The following FUT1 variants were observed in gnomAD, a reference collection of about 807,000 sequenced individuals.
FUT1 encodes the protein galactoside alpha-(1,2)-fucosyltransferase 1.
For missense variants in FUT1, 476 were observed against 492.7 expected (o/e 0.97, Z 0.32); for synonymous variants, 215 against 208.7 (o/e 1.03, Z -0.26).
upstream of FUT1, among the ~76,000 whole-genome samples, chr19:48,754,556 C>T (rs1029799234): frequency 6.6e-6 from 1 of 152,180 alleles, no homozygotes; most frequent in Non-Finnish European, 1.5e-5. Context: ...CCTTCAGTAC[C>T]TGACCCTATA....
upstream of FUT1, among the ~76,000 whole-genome samples, chr19:48,754,055 G>A (rs1411644632): frequency 3.3e-5 from 5 of 152,016 alleles, no homozygotes; most frequent in East Asian, 9.7e-4. Context: ...GCGTGGTGGA[G>A]GGCGCCTGTA....
chr19:48,750,657 C>A lies in FUT1; in HGVS notation c.625G>T (p.Asp209Tyr). ...ACGCCGACAAAGGTGCGCGGGCGGT[C>A]CCCTGTGCGGCCCAGGCGGAGCTGA... Reference protein sequence around the residue: ...LGQLRLGRTGDRPRTFVGVHV... With the variant: ...LGQLRLGRTGYRPRTFVGVHV... The change falls in exon 2 of 2, where the codon GAC becomes TAC. Residue 209 changes from aspartate to tyrosine, a missense_variant. Transcript: ENST00000645652. 6.2e-7 allele frequency: 1 copy of A among 1,612,784 alleles called. No individual in the cohort carries two copies. The highest frequency in any genetic ancestry group is 1.1e-5 in the South Asian group (1 of 91,092).
Position 48,750,074 on chromosome 19 carries a change from C to G in FUT1, c.*110G>C. On this transcript the variant is annotated 3_prime_UTR_variant, in exon 2 of 2. Coordinates refer to ENST00000645652, the MANE Select transcript of FUT1 (RefSeq NM_001384359.1). ...ACTAGAATCACTCTGGATACGGGCA[C>G]CCATTTGCTTCAGGAACACCACAAG... 1.5e-6 allele frequency: 2 copies of G among 1,293,052 alleles called. No homozygotes were observed. Among genetic ancestry groups the G allele is most frequent in the Non-Finnish European group, 2.2e-6 (2 of 925,680 alleles). 80.1% of individuals were successfully genotyped at this position (1,293,052 alleles called of 1,614,324 possible). A position where few individuals can be genotyped will look rare whatever the true frequency, so the allele number is the denominator to read the frequency against.
In FUT1 at chr19:48,750,867, T is replaced by C. The variant is rs1364577499; in HGVS notation, c.415A>G (p.Thr139Ala). ...TGAAGCTGCAGCTCCCGCCACGGCG[T>C]GCGGCTGTCCACTTCTGGGGCCAGC... Reference protein sequence around the residue: ...PVLAPEVDSRTPWRELQLHDW... With the variant: ...PVLAPEVDSRAPWRELQLHDW... The change falls in exon 2 of 2, where the codon ACG becomes GCG. Residue 139 changes from threonine to alanine, a missense_variant. Physicochemically the swap from Thr to Ala is moderately conservative, Grantham distance 58 (BLOSUM62 0). Transcript: ENST00000645652. 2 of 1,613,706 alleles carry C rather than the reference T, an allele frequency of 1.2e-6. No homozygotes were observed. The highest frequency in any genetic ancestry group is 8.5e-7 in the Non-Finnish European group (1 of 1,179,972).
rs762260495 is a variant in FUT1 at position 48,750,236 on chromosome 19, C to T, written c.1046G>A (p.Trp349Ter). ...FKPEAAFLPEWVGINADLSPL... is the reference protein window; with the variant it reads ...FKPEAAFLPE ...AGACAAGTCTGCATTAATGCCCACC[C>T]ACTCGGGCAGGAAGGCCGCCTCCGG... Residue 349 changes from tryptophan (W) to a stop codon, truncating the protein, a stop_gained, in exon 2 of 2, where the codon TGG becomes TAG. Coordinates refer to ENST00000645652, the MANE Select transcript of FUT1 (RefSeq NM_001384359.1). LOFTEE classifies it low-confidence loss of function (END_TRUNC). The T allele has an allele frequency of 2.5e-6, 4 of 1,613,032 alleles. No homozygotes were observed. The African/African-American group carries it at 4.0e-5, about 16-fold the overall frequency.
In FUT1 at chr19:48,750,733, T is replaced by C. The variant is rs780535906; in HGVS notation, c.549A>G (p.Arg183=). The stretch of plus-strand genomic sequence containing the variant: ...GAAGGTGGTCGTGCAGGGTGAACTC[T>C]CTGCGGATCTGTTCCCGGAGATGGT... ...FFHHLREQIR[R]EFTLHDHLRE... Residue 183 remains arginine (R), a synonymous_variant, in exon 2 of 2, where the codon AGA becomes AGG. Coordinates refer to ENST00000645652, the MANE Select transcript of FUT1 (RefSeq NM_001384359.1). 1.5e-5 allele frequency: 24 copies of C among 1,613,720 alleles called. No individual in the cohort carries two copies. The highest frequency in any genetic ancestry group is 2.0e-5 in the Non-Finnish European group (24 of 1,179,984).
At chr19:48,751,414 T>C in intron 1 of FUT1, 131 bp from the exon 2 acceptor site, 1 of 973,118 alleles carries the variant, frequency 1.0e-6, no homozygotes, top group South Asian at 1.4e-5. Context: ...AGTTAAAGGT[T>C]TAGACTCCTG....
upstream of FUT1, chr19:48,755,162 C>T (rs1351938150): frequency 6.4e-6 from 1 of 156,716 alleles, no homozygotes; most frequent in African/African-American, 2.4e-5. Context: ...CCCCTCCTCC[C>T]TCAGATCCAG....
chr19:48,753,995 T>C (rs1439856084), upstream of FUT1, among the ~76,000 whole-genome samples: 1 of 152,050 alleles, frequency 6.6e-6, no homozygotes, highest in Non-Finnish European at 1.5e-5. Context: ...CCATCCTGGC[T>C]AACACGGTGA....
Position 48,749,949 on chromosome 19 carries a change from G to T in FUT1, c.*235C>A. The T allele has an allele frequency of 1.7e-6, 1 of 576,748 alleles. No homozygotes were observed. Among genetic ancestry groups the T allele is most frequent in the South Asian group, 2.0e-5 (1 of 50,156 alleles). The allele number at this position is 576,748 out of a possible 1,614,324, so 35.7% of individuals were successfully genotyped here. A position where few individuals can be genotyped will look rare whatever the true frequency, so the allele number is the denominator to read the frequency against. On this transcript the variant is annotated 3_prime_UTR_variant, in exon 2 of 2. Coordinates refer to ENST00000645652, the MANE Select transcript of FUT1 (RefSeq NM_001384359.1). ...CTGGGAAGAGCAGGTGGGCACTGTG[G>T]CTTCTAGAACTGCCTGCCAGCCATC...
At position 48,752,101 on chromosome 19, in the gene FUT1, C is replaced by A. The variant is rs2034012579; in HGVS notation, c.-3+389G>T. On this transcript the variant is annotated intron_variant, in intron 1 of 1. Transcript: ENST00000645652. The surrounding 1 kb of genome is among the most constrained non-coding windows in gnomAD (Gnocchi z 4.3). ...CTCCAGCTTGCGCGACAGAGAGGGA[C>A]CCTGTCTTAAAAAAAAAAAAAAAAA... Among the ~76,000 whole-genome samples, 2 of 135,280 alleles carry A rather than the reference C, an allele frequency of 1.5e-5. No individual in the cohort carries two copies. The highest frequency in any genetic ancestry group is 1.5e-4 in the Admixed American group (2 of 12,908). The allele number at this position is 135,280 out of a possible 152,430, so 88.7% of individuals were successfully genotyped here. A position where few individuals can be genotyped will look rare whatever the true frequency, so the allele number is the denominator to read the frequency against.
In FUT1 at chr19:48,748,844, T is replaced by C. The variant is rs779968187; in HGVS notation, c.*1340A>G. The C allele has an allele frequency of 6.6e-6, 1 of 152,206 alleles. No homozygotes were observed. The highest frequency in any genetic ancestry group is 1.5e-5 in the Non-Finnish European group (1 of 68,034). 9.4% of individuals were successfully genotyped at this position (152,206 alleles called of 1,614,324 possible). The stretch of plus-strand genomic sequence containing the variant: ...ACATTCATTAGATGCTACAATTAGG[T>C]TGCACATTCATTAGATTCTTCACTT... On this transcript the variant is annotated 3_prime_UTR_variant, in exon 2 of 2. Transcript: ENST00000645652.
At chr19:48,755,112 G>A (rs1306837501), upstream of FUT1, among the ~76,000 whole-genome samples, 2 of 88,906 alleles carry the variant, frequency 2.2e-5, no homozygotes, top group Admixed American at 2.6e-4. Context: ...CCAGACCAAA[G>A]CTCCCTCCTC....
Position 48,752,373 on chromosome 19 carries a change from G to T in FUT1, c.-3+117C>A. The T allele has an allele frequency of 1.9e-6, 1 of 521,360 alleles. No individual in the cohort carries two copies. The highest frequency in any genetic ancestry group is 2.5e-6 in the Non-Finnish European group (1 of 405,516). The allele number at this position is 521,360 out of a possible 1,614,324, so 32.3% of individuals were successfully genotyped here. On this transcript the variant is annotated intron_variant, in intron 1 of 1. Coordinates refer to ENST00000645652, the MANE Select transcript of FUT1 (RefSeq NM_001384359.1). The surrounding 1 kb of genome is among the most constrained non-coding windows in gnomAD (Gnocchi z 4.3). ...TGGAGGAGTAATGGCTGGGGAGGTG[G>T]CGGAGATTCCTAGGGCCTTAGGAAG...
chr19:48,751,891 C>T (rs1472045103), intron 1 of FUT1, among the ~76,000 whole-genome samples: 5 of 151,398 alleles, frequency 3.3e-5, no homozygotes, highest in East Asian at 1.9e-4. Context: ...GCGGGAGTTG[C>T]GGTGAGCTGA....
At position 48,751,145 on chromosome 19, in the gene FUT1, C is replaced by A. The variant is rs1568490908; in HGVS notation, c.137G>T (p.Arg46Leu). ...LGLSILCPDR[R>L]LVTPPVAIFC... ...GATGGCCACTGGGGGTGTCACCAGG[C>A]GGCGGTCTGGACACAGGATCGACAG... Residue 46 changes from arginine (R) to leucine (L), a missense_variant, in exon 2 of 2, where the codon CGC becomes CTC. Arg to Leu is a moderately radical substitution (Grantham distance 102). Coordinates refer to ENST00000645652, the MANE Select transcript of FUT1 (RefSeq NM_001384359.1). The A allele has an allele frequency of 1.9e-6, 3 of 1,614,004 alleles. No individual in the cohort carries two copies. Among genetic ancestry groups the A allele is most frequent in the South Asian group, 2.2e-5 (2 of 91,080 alleles).
In FUT1 at chr19:48,752,465, A is replaced by G. The variant is rs28400010; in HGVS notation, c.-3+25T>C. 1.5e-3 allele frequency: 1,500 copies of G among 985,090 alleles called. 34 individuals are homozygous for G. The African/African-American group carries it at 0.024, about 16-fold the overall frequency. 61.0% of individuals were successfully genotyped at this position (985,090 alleles called of 1,614,324 possible). A position where few individuals can be genotyped will look rare whatever the true frequency, so the allele number is the denominator to read the frequency against. On this transcript the variant is annotated intron_variant, in intron 1 of 1. Transcript: ENST00000645652. This position sits in a 1 kb window ranked among gnomAD's most constrained non-coding sequence, Gnocchi z 4.3. ...GAGTTGTTCCTGGGTCCCAGGAACA[A>G]CTGAGTGGGGCAGTCCCCACTTACC...
Position 48,751,162 on chromosome 19 carries a change from G to A in FUT1, c.120C>T (p.Ile40=), listed in dbSNP as rs377194911. The A allele has an allele frequency of 5.8e-5, 93 of 1,614,022 alleles. No individual in the cohort carries two copies. The highest frequency in any genetic ancestry group is 7.7e-5 in the Non-Finnish European group (91 of 1,180,036). The change falls in exon 2 of 2, where the codon ATC becomes ATT. Residue 40 remains isoleucine, a synonymous_variant. Transcript: ENST00000645652. ...TCACCAGGCGGCGGTCTGGACACAG[G>A]ATCGACAGGCCTAGGCCATGTGGAA... is the stretch of plus-strand genomic sequence containing the variant. The part of the protein sequence containing the change: ...DSFPHGLGLS[I]LCPDRRLVTP...
In FUT1 at chr19:48,749,946, G is replaced by T. The variant is rs2033967599; in HGVS notation, c.*238C>A. 1.8e-6 allele frequency: 1 copy of T among 571,096 alleles called. No homozygotes were observed. Among genetic ancestry groups the T allele is most frequent in the South Asian group, 2.0e-5 (1 of 50,054 alleles). The allele number at this position is 571,096 out of a possible 1,614,324, so 35.4% of individuals were successfully genotyped here. A position where few individuals can be genotyped will look rare whatever the true frequency, so the allele number is the denominator to read the frequency against. On this transcript the variant is annotated 3_prime_UTR_variant, in exon 2 of 2. Transcript: ENST00000645652. ...GGGCTGGGAAGAGCAGGTGGGCACT[G>T]TGGCTTCTAGAACTGCCTGCCAGCC...
Sources: gnomAD v4.1 joint callset for allele counts (sites outside exome capture counted in the v4.1 genomes callset) on GRCh38, gnomAD v4.1.1 for gene constraint, Gnocchi (gnomAD v3.1) non-coding constraint, MANE v1.5 for transcripts, NCBI Gene and HGNC (gene_info 2026-07-23, HGNC 2026-07-21) for gene names.